The following PLEKHG7 variants were observed in gnomAD, a reference collection of about 807,000 sequenced individuals.
PLEKHG7 encodes pleckstrin homology domain-containing family G member 7.
PLEKHG7 carries 77 observed loss-of-function variants against 85.2 expected under a neutral mutation model. That is an observed-to-expected ratio of 0.90 (90% CI 0.75 to 1.09). The LOEUF (loss-of-function observed/expected upper bound fraction) is 1.09, where lower values mean the gene tolerates loss of function less well. PLEKHG7 is among the 50% of genes least tolerant of loss of function. The pLI is 0.00. For missense variants in PLEKHG7, 777 were observed against 804.3 expected, an observed-to-expected ratio of 0.97 and a Z score of 0.41; for synonymous variants, 301 against 302.4, an observed-to-expected ratio of 1.00 and a Z score of 0.05.
chr12:92,711,254 G>T (rs1325560261), intron 3 of PLEKHG7, among the ~76,000 whole-genome samples: 1 of 152,152 alleles, frequency 6.6e-6, no homozygotes. Flanking sequence ...CCTGCATATT[G>T]TGCAGAATAA....
chr12:92,771,059 C>G lies in PLEKHG7; in HGVS notation c.*864C>G, dbSNP rs1873415258. The G allele has an allele frequency of 6.6e-6, 1 of 151,030 alleles. No individual in the cohort carries two copies. The highest frequency in any genetic ancestry group is 1.5e-5 in the Non-Finnish European group (1 of 67,760). 9.4% of individuals were successfully genotyped at this position (151,030 alleles called of 1,614,324 possible). A position where few individuals can be genotyped will look rare whatever the true frequency, so the allele number is the denominator to read the frequency against. On this transcript the variant is annotated 3_prime_UTR_variant, in exon 17 of 17. Coordinates refer to ENST00000344636, the MANE Select transcript of PLEKHG7 (RefSeq NM_001377329.1). The stretch of plus-strand genomic sequence containing the variant: ...AGTCACTTAATTTTATTTGGCAGGA[C>G]TTCAAATTTCTTCAGAATTTTTATC...
rs557031966 is a variant in PLEKHG7, at chr12:92,754,888, T to C, written c.1426+624T>C. On this transcript the variant is annotated intron_variant, in intron 11 of 16. Coordinates refer to ENST00000344636, the MANE Select transcript of PLEKHG7 (RefSeq NM_001377329.1). ...AATTCAAATTGGTGATATTCAGCTATACATAATTTTTTTCTTTTACAAGTT... is the reference window on the plus strand; with the variant it reads ...AATTCAAATTGGTGATATTCAGCTACACATAATTTTTTTCTTTTACAAGTT... Among the ~76,000 whole-genome samples the C allele has an allele frequency of 3.3e-5, 5 of 152,318 alleles. No individual in the cohort carries two copies. In the East Asian group the frequency reaches 5.8e-4, roughly 18 times the overall value.
At chr12:92,734,109 T>C (rs1872069046) in intron 5 of PLEKHG7, among the ~76,000 whole-genome samples, 1 of 152,188 alleles carries the variant, frequency 6.6e-6, no homozygotes, top group Non-Finnish European at 1.5e-5. Context: ...AAGAACACAA[T>C]ATCTGTTTTC....
At chr12:92,749,608 C>T (rs1372860959) in intron 10 of PLEKHG7, 1 of 152,170 alleles carries the variant, frequency 6.6e-6, no homozygotes, top group Non-Finnish European at 1.5e-5. Context: ...CTTCGTGTGG[C>T]ACAACTAACA....
At chr12:92,715,716 C>CAAAAAAAA (rs11331072) in intron 3 of PLEKHG7, among the ~76,000 whole-genome samples, 3 of 87,448 alleles carry the variant, frequency 3.4e-5, no homozygotes, top group African/African-American at 9.3e-5. Flanking sequence ...GTTCTTGCCT[C>CAAAAAAAA]AAAAAAAAAA....
At position 92,761,671 on chromosome 12, in the gene PLEKHG7, AAAGAAAGAAAGAAAG is replaced by A. The variant is rs1406391381; in HGVS notation, c.1637-80_1637-66del. The A allele has an allele frequency of 7.8e-6, 10 of 1,285,478 alleles. No homozygotes were observed. In the Admixed American group the frequency reaches 3.7e-4, roughly 47 times the overall value. 79.6% of individuals were successfully genotyped at this position (1,285,478 alleles called of 1,614,324 possible). A position where few individuals can be genotyped will look rare whatever the true frequency, so the allele number is the denominator to read the frequency against. ...GAAAGAAAGAAAGAAAGAAAGAAAG[AAAGAAAGAAAGAAAG>A]GGAAAGAAAAACTCTTCTACTTAAC... On this transcript the variant is annotated intron_variant, in intron 13 of 16. Transcript: ENST00000344636.
At chr12:92,737,325 G>C in intron 6 of PLEKHG7, 53 bp from the exon 7 acceptor site, 4 of 1,330,732 alleles carry the variant, frequency 3.0e-6, no homozygotes, top group Non-Finnish European at 3.9e-6. Context: ...TAGCCAACAG[G>C]TCAATCCACT....
Position 92,761,760 on chromosome 12 carries a change from A to G in PLEKHG7, c.1645A>G (p.Arg549Gly), listed in dbSNP as rs1873041396. The change falls in exon 14 of 17, where the codon AGA becomes GGA. Residue 549 changes from arginine to glycine, a missense_variant. Physicochemically the swap from Arg to Gly is moderately radical, Grantham distance 125 (BLOSUM62 -2). Coordinates refer to ENST00000344636, the MANE Select transcript of PLEKHG7 (RefSeq NM_001377329.1). ...EGKLTLAEST[R>G]FLDVYLFLFN... ...TCTCTTTTTTTCCTCAGAAAGCACG[A>G]GATTCCTAGATGTTTATCTGTTTCT... 4 of 1,571,234 alleles carry G rather than the reference A, an allele frequency of 2.5e-6. No homozygotes were observed. In the East Asian group the frequency reaches 9.7e-5, roughly 38 times the overall value.
At position 92,706,585 on chromosome 12, in the gene PLEKHG7, C is replaced by A; in HGVS notation, c.-47C>A. 6.5e-7 allele frequency: 1 copy of A among 1,536,722 alleles called. No homozygotes were observed. Among genetic ancestry groups the A allele is most frequent in the South Asian group, 1.3e-5 (1 of 77,700 alleles). Reference sequence around the variant, plus strand: ...CCATGTGATCCAGAGAACAGCAACTCATACGTCTTCTGGAACCTTCTACCA... The same window carrying A: ...CCATGTGATCCAGAGAACAGCAACTAATACGTCTTCTGGAACCTTCTACCA... On this transcript the variant is annotated 5_prime_UTR_variant, in exon 2 of 17. Transcript: ENST00000344636.
intron 7 of PLEKHG7, among the ~76,000 whole-genome samples, chr12:92,740,355 T>C (rs957790538): frequency 1.3e-5 from 2 of 152,248 alleles, no homozygotes; most frequent in African/African-American, 4.8e-5. Flanking sequence ...CTCAATGTTT[T>C]CATCCATGTT....
At chr12:92,769,110 T>TTA in intron 16 of PLEKHG7, 30 bp downstream of exon 16, 1 of 1,457,682 alleles carries the variant, frequency 6.9e-7, no homozygotes, top group Non-Finnish European at 9.5e-7. Context: ...AGGTCTTTGA[T>TTA]TCTTCAGAGT....
At chr12:92,720,901 C>T (rs891359918) in intron 3 of PLEKHG7, among the ~76,000 whole-genome samples, 4 of 152,140 alleles carry the variant, frequency 2.6e-5, no homozygotes, top group African/African-American at 7.2e-5. Flanking sequence ...AGTTGGTAGT[C>T]TCTTTTTCTC....
chr12:92,761,978 C>T (rs892290297), intron 14 of PLEKHG7, 147 bp downstream of exon 14: 7 of 986,348 alleles, frequency 7.1e-6, no homozygotes, highest in African/African-American at 6.9e-5. Flanking sequence ...AAACTATTGG[C>T]TTTTTTAGTC....
chr12:92,734,001 A>G (rs1872065822), intron 5 of PLEKHG7, among the ~76,000 whole-genome samples: 2 of 152,232 alleles, frequency 1.3e-5, no homozygotes, highest in African/African-American at 4.8e-5. Context: ...GGAGGGAAGC[A>G]ATGAGGGAGA....
At chr12:92,721,916 T>C (rs1263670555) in intron 3 of PLEKHG7, among the ~76,000 whole-genome samples, 1 of 152,040 alleles carries the variant, frequency 6.6e-6, no homozygotes, top group East Asian at 1.9e-4. Flanking sequence ...TATTCTTCCC[T>C]GTCCTCTTCA....
At chr12:92,718,666 C>T (rs1439405506) in intron 3 of PLEKHG7, among the ~76,000 whole-genome samples, 6 of 152,166 alleles carry the variant, frequency 3.9e-5, no homozygotes, top group Admixed American at 2.6e-4. Context: ...TTGACCTCCT[C>T]GATCTTCCTT....
intron 3 of PLEKHG7, among the ~76,000 whole-genome samples, chr12:92,713,485 A>G (rs889741278): frequency 6.6e-6 from 1 of 152,164 alleles, no homozygotes; most frequent in African/African-American, 2.4e-5. Context: ...TTGATGGTTG[A>G]GTGCTGCCAC....
At chr12:92,752,972 C>T (rs1872730983) in intron 10 of PLEKHG7, among the ~76,000 whole-genome samples, 1 of 152,188 alleles carries the variant, frequency 6.6e-6, no homozygotes, top group East Asian at 1.9e-4. Context: ...ACACTAATCC[C>T]ATTCAAGAGG....
intron 5 of PLEKHG7, among the ~76,000 whole-genome samples, chr12:92,735,109 T>C (rs1463169151): frequency 1.3e-5 from 2 of 152,260 alleles, no homozygotes; most frequent in East Asian, 1.9e-4. Context: ...AAACACGGGG[T>C]TGGCACTCAC....
Sources: gnomAD v4.1 joint callset for allele counts (sites outside exome capture counted in the v4.1 genomes callset) on GRCh38, gnomAD v4.1.1 for gene constraint, MANE v1.5 for transcripts, NCBI Gene and HGNC (gene_info 2026-07-23, HGNC 2026-07-21) for gene names.